ANKRD11: variants seen among roughly 807,000 people sequenced by gnomAD.
The protein encoded by ANKRD11 is ankyrin repeat domain 11.
ANKRD11 carries 17 observed loss-of-function variants against 195.7 expected under a neutral mutation model. The observed-to-expected ratio is 0.09, with a 90% CI of 0.06 to 0.13. The LOEUF (loss-of-function observed/expected upper bound fraction) is 0.13. Ranked by LOEUF, ANKRD11 falls within the 10% of genes least tolerant of loss-of-function variation. The probability of loss-of-function intolerance (pLI) is 1.00; values close to 1 mark genes in which losing one functional copy is unlikely to be tolerated. For synonymous variants in ANKRD11, 1,953 were observed against 1,528.1 expected (o/e 1.28, Z -6.49); for missense variants, 3,735 against 3,566.1 (o/e 1.05, Z -1.21).
chr16:89,482,323 A>C (rs2057470572), intron 1 of ANKRD11, among the ~76,000 whole-genome samples: 1 of 152,226 alleles, frequency 6.6e-6, no homozygotes, highest in South Asian at 2.1e-4. Context: ...GTGAACGGTC[A>C]GTCACAAAGA....
Position 89,281,515 on chromosome 16 carries a change from G to A in ANKRD11, c.5027C>T (p.Ser1676Phe), listed in dbSNP as rs780866636. 1.9e-6 allele frequency: 3 copies of A among 1,614,264 alleles called. No homozygotes were observed. The Admixed American group carries it at 5.0e-5, about 27-fold the overall frequency. Residue 1676 changes from serine to phenylalanine, a missense_variant, in exon 9 of 13, where the codon TCC becomes TTC. By Grantham distance (155) the Ser-to-Phe change is radical (BLOSUM62 -2). Transcript: ENST00000301030. The surrounding 1 kb of genome is among the most constrained non-coding windows in gnomAD (Gnocchi z 5.5). ...GTGAGGGCCTGCCAGCCAGTCTTTG[G>A]AGTCTGCACCTGATGCTGGGTGTAG... ...NKLHPASGAD[S>F]KDWLAGPHMK...
intron 3 of ANKRD11, among the ~76,000 whole-genome samples, chr16:89,314,076 G>T (rs115029576): frequency 8.9e-4 from 135 of 152,268 alleles, no homozygotes; most frequent in African/African-American, 2.6e-3. Context: ...ATACAAAAAT[G>T]AGCCGGGTGT....
At chr16:89,438,087 G>A (rs1478477693) in intron 1 of ANKRD11, among the ~76,000 whole-genome samples, 2 of 152,222 alleles carry the variant, frequency 1.3e-5, no homozygotes, top group Non-Finnish European at 2.9e-5. Flanking sequence ...CTGGCCAGGA[G>A]GGCACCGCAA....
chr16:89,391,291 C>A (rs1352386159), intron 2 of ANKRD11, among the ~76,000 whole-genome samples: 1 of 151,290 alleles, frequency 6.6e-6, no homozygotes, highest in Non-Finnish European at 1.5e-5. Context: ...AGATTCAGGG[C>A]AGGTCGCTGA....
intron 4 of ANKRD11, among the ~76,000 whole-genome samples, chr16:89,304,151 C>T (rs993909117): frequency 1.3e-5 from 2 of 152,204 alleles, no homozygotes; most frequent in East Asian, 1.9e-4. Context: ...GCACGGCCAG[C>T]GCAGAGGCCT....
chr16:89,387,187 T>C (rs1406701957), intron 2 of ANKRD11, among the ~76,000 whole-genome samples: 1 of 151,336 alleles, frequency 6.6e-6, no homozygotes, highest in Non-Finnish European at 1.5e-5. Context: ...CTAAGGACAC[T>C]GCTCAGCAAG....
At chr16:89,359,396 C>T (rs1221831072) in intron 2 of ANKRD11, among the ~76,000 whole-genome samples, 1 of 152,212 alleles carries the variant, frequency 6.6e-6, no homozygotes, top group African/African-American at 2.4e-5. Context: ...CTCCTGGAGC[C>T]AGCCCCAGCA....
In ANKRD11 at chr16:89,291,196, C is replaced by G; in HGVS notation, c.227-13G>C. On this transcript the variant is annotated splice_polypyrimidine_tract_variant and intron_variant, in intron 4 of 12. Coordinates refer to ENST00000301030, the MANE Select transcript of ANKRD11 (RefSeq NM_013275.6). This position sits in a 1 kb window ranked among gnomAD's most constrained non-coding sequence, Gnocchi z 5.3. ...GGGCCCTGCTTCTCTGTGAGGCGGG[C>G]GAGGGAGAGAGGGAGGAGAGATTTC... The G allele has an allele frequency of 1.9e-6, 3 of 1,612,640 alleles. No individual in the cohort carries two copies. Among genetic ancestry groups the G allele is most frequent in the Non-Finnish European group, 2.5e-6 (3 of 1,179,898 alleles).
intron 1 of ANKRD11, among the ~76,000 whole-genome samples, chr16:89,443,066 C>T (rs1356267063): frequency 6.6e-6 from 1 of 152,150 alleles, no homozygotes; most frequent in Non-Finnish European, 1.5e-5. Flanking sequence ...AATCTTGGCT[C>T]ACTGCGACCT....
intron 1 of ANKRD11, among the ~76,000 whole-genome samples, chr16:89,433,018 ACG>A (rs1028138800): frequency 5.3e-5 from 8 of 151,096 alleles, no homozygotes; most frequent in African/African-American, 2.0e-4. Context: ...ACACACACAC[ACG>A]AAATATATGG....
At chr16:89,372,769 T>A (rs1170747490) in intron 2 of ANKRD11, 1 of 152,108 alleles carries the variant, frequency 6.6e-6, no homozygotes. Context: ...ACTGAAGATA[T>A]TCCCCACGCA....
chr16:89,463,847 C>CA (rs2056788330), intron 1 of ANKRD11, among the ~76,000 whole-genome samples: 1 of 152,074 alleles, frequency 6.6e-6, no homozygotes, highest in African/African-American at 2.4e-5. Context: ...TCTACTTATG[C>CA]AAAAAATTAA....
rs1283976400 is a variant in ANKRD11 at position 89,280,106 on chromosome 16, T to C, written c.6436A>G (p.Lys2146Glu). Residue 2146 changes from lysine to glutamate, a missense_variant, in exon 9 of 13, where the codon AAA becomes GAA. Lys to Glu is a moderately conservative substitution (Grantham distance 56). Transcript: ENST00000301030. ...FSLPELPLQTKDAADGEAEPV... is the reference protein window; with the variant it reads ...FSLPELPLQTEDAADGEAEPV... ...TCCGCTTCACCATCTGCGGCATCTTTAGTCTGCAGGGGAAGCTCCGGCAGG... is the reference window on the plus strand; with the variant it reads ...TCCGCTTCACCATCTGCGGCATCTTCAGTCTGCAGGGGAAGCTCCGGCAGG... 14 of 1,612,888 alleles carry C rather than the reference T, an allele frequency of 8.7e-6. No individual in the cohort carries two copies. In the Admixed American group the frequency reaches 2.0e-4, roughly 23 times the overall value.
chr16:89,329,648 G>GGA (rs1360132189), intron 2 of ANKRD11, among the ~76,000 whole-genome samples: 1 of 152,206 alleles, frequency 6.6e-6, no homozygotes, highest in Non-Finnish European at 1.5e-5. Context: ...GTATGAGGTA[G>GGA]GAGGTAAGCT....
In ANKRD11 at chr16:89,276,857, A is replaced by G. The variant is rs959935348; in HGVS notation, c.7471-1666T>C. ...CGGATCACAAGGTCAGGAGTTTGAG[A>G]CCAGCCTGACCAACATGGTGAAACC... On this transcript the variant is annotated intron_variant, in intron 9 of 12. Coordinates refer to ENST00000301030, the MANE Select transcript of ANKRD11 (RefSeq NM_013275.6). 2.6e-4 allele frequency among the ~76,000 whole-genome samples: 39 copies of G among 152,210 alleles called. 1 individual carries two copies. Among genetic ancestry groups the G allele is most frequent in the Admixed American group, 2.3e-3 (35 of 15,292 alleles).
chr16:89,467,365 C>T (rs1208496008), intron 1 of ANKRD11, among the ~76,000 whole-genome samples: 1 of 152,106 alleles, frequency 6.6e-6, no homozygotes, highest in Admixed American at 6.5e-5. Context: ...CTGCCTGAGC[C>T]CAGGAAGTTG....
intron 1 of ANKRD11, among the ~76,000 whole-genome samples, chr16:89,452,476 C>T (rs1246271125): frequency 1.3e-5 from 2 of 151,978 alleles, no homozygotes; most frequent in South Asian, 2.1e-4. Context: ...GAAACCACAG[C>T]GGGTGAGGAC....
At chr16:89,354,218 T>C (rs1345447068) in intron 2 of ANKRD11, among the ~76,000 whole-genome samples, 1 of 138,096 alleles carries the variant, frequency 7.2e-6, no homozygotes, top group African/African-American at 2.7e-5. Flanking sequence ...ATTTTACATA[T>C]ATATAACTAA....
At chr16:89,478,166 T>C (rs938133126) in intron 1 of ANKRD11, among the ~76,000 whole-genome samples, 57 of 152,248 alleles carry the variant, frequency 3.7e-4, no homozygotes, top group African/African-American at 1.3e-3. Context: ...CAGGGCACAG[T>C]GACAGTGGCC....
Sources: gnomAD v4.1 joint callset for allele counts (sites outside exome capture counted in the v4.1 genomes callset) on GRCh38, gnomAD v4.1.1 for gene constraint, Gnocchi (gnomAD v3.1) non-coding constraint, MANE v1.5 for transcripts, NCBI Gene and HGNC (gene_info 2026-07-23, HGNC 2026-07-21) for gene names.